The following FOXN3 variants were observed in gnomAD, a reference collection of about 807,000 sequenced individuals.
FOXN3 encodes the protein forkhead box N3.
FOXN3 carries 7 observed loss-of-function variants against 38.4 expected under a neutral mutation model. The ratio of observed to expected loss-of-function variants is 0.18; its 90% CI spans 0.10 to 0.34. The LOEUF (loss-of-function observed/expected upper bound fraction) is 0.34, where lower values mean the gene tolerates loss of function less well. FOXN3 is among the 10% of genes least tolerant of loss of function. The pLI is 1.00. For missense variants in FOXN3, 456 were observed against 613.4 expected (o/e 0.74, Z 2.71); for synonymous variants, 230 against 242.2 (o/e 0.95, Z 0.47).
At chr14:89,331,963 TG>T (rs1555418609) in intron 3 of FOXN3, among the ~76,000 whole-genome samples, 1 of 152,186 alleles carries the variant, frequency 6.6e-6, no homozygotes, top group Non-Finnish European at 1.5e-5. Flanking sequence ...AATGTCTGTT[TG>T]ATAAAATGTA....
intron 4 of FOXN3, among the ~76,000 whole-genome samples, chr14:89,260,321 C>T (rs79764264): frequency 5.8e-4 from 88 of 152,358 alleles, no homozygotes; most frequent in African/African-American, 1.9e-3. Context: ...TCTGCTCTCC[C>T]GGGCACGAAG....
At chr14:89,589,104 C>CA (rs199583482) in intron 1 of FOXN3, among the ~76,000 whole-genome samples, 1 of 150,950 alleles carries the variant, frequency 6.6e-6, no homozygotes, top group East Asian at 1.9e-4. Context: ...AAACATCTAC[C>CA]AAAAAAAAAT....
intron 5 of FOXN3, among the ~76,000 whole-genome samples, chr14:89,165,190 T>A (rs1887208996): frequency 6.6e-6 from 1 of 152,058 alleles, no homozygotes; most frequent in East Asian, 1.9e-4. Flanking sequence ...CTCCCCTAAA[T>A]CCTTACAGAC....
At chr14:89,315,082 C>A (rs1300331513) in intron 3 of FOXN3, among the ~76,000 whole-genome samples, 2 of 151,874 alleles carry the variant, frequency 1.3e-5, no homozygotes, top group African/African-American at 4.8e-5. Context: ...CCAGATCAGC[C>A]CCCTCCATAT....
At chr14:89,232,600 C>T (rs1884849591) in intron 4 of FOXN3, among the ~76,000 whole-genome samples, 1 of 152,190 alleles carries the variant, frequency 6.6e-6, no homozygotes, top group Non-Finnish European at 1.5e-5. Context: ...TTGTGCAAAC[C>T]ATTTTTCAAT....
chr14:89,302,611 A>C (rs1182949818), intron 3 of FOXN3, among the ~76,000 whole-genome samples: 1 of 152,142 alleles, frequency 6.6e-6, no homozygotes, highest in Non-Finnish European at 1.5e-5. Context: ...TCACCTTTGC[A>C]AGTCCCCTGA....
At chr14:89,170,819 C>T (rs1887369973) in intron 5 of FOXN3, among the ~76,000 whole-genome samples, 1 of 152,046 alleles carries the variant, frequency 6.6e-6, no homozygotes, top group African/African-American at 2.4e-5. Flanking sequence ...TTAGAAAATA[C>T]TTATACCTTA....
At chr14:89,322,191 A>G (rs1887916939) in intron 3 of FOXN3, among the ~76,000 whole-genome samples, 1 of 152,188 alleles carries the variant, frequency 6.6e-6, no homozygotes, top group African/African-American at 2.4e-5. Context: ...GCAACTGTTA[A>G]TAATTAGCAG....
chr14:89,230,716 A>T (rs748530481), intron 4 of FOXN3: 5 of 301,312 alleles, frequency 1.7e-5, no homozygotes, highest in Non-Finnish European at 3.5e-5. Flanking sequence ...CAAGAACTGC[A>T]CTACGCACAC....
At chr14:89,444,387 G>C (rs1892452214) in intron 1 of FOXN3, among the ~76,000 whole-genome samples, 1 of 151,094 alleles carries the variant, frequency 6.6e-6, no homozygotes, top group South Asian at 2.1e-4. Flanking sequence ...TGCTAAATAA[G>C]CAAAATGGAG....
intron 2 of FOXN3, among the ~76,000 whole-genome samples, chr14:89,380,319 G>A (rs535303279): frequency 6.6e-5 from 10 of 152,278 alleles, no homozygotes; most frequent in East Asian, 5.8e-4. Context: ...CCCAAGCCAC[G>A]CAGAATTGTG....
At chr14:89,483,883 A>G (rs1247431724) in intron 1 of FOXN3, among the ~76,000 whole-genome samples, 3 of 152,250 alleles carry the variant, frequency 2.0e-5, no homozygotes, top group Admixed American at 6.5e-5. Flanking sequence ...AAGCCTTCAA[A>G]GCTTACTTGA....
chr14:89,433,878 T>C (rs936999244), intron 1 of FOXN3, among the ~76,000 whole-genome samples: 10 of 149,728 alleles, frequency 6.7e-5, no homozygotes, highest in African/African-American at 2.4e-4. Flanking sequence ...AATACTGAAA[T>C]ATCCAGGGCA....
At chr14:89,400,262 T>C (rs1891211282) in intron 2 of FOXN3, 1 of 152,178 alleles carries the variant, frequency 6.6e-6, no homozygotes, top group South Asian at 2.1e-4. Flanking sequence ...CTAATGGAAA[T>C]ACAATTTCCT....
chr14:89,276,314 T>G (rs1436880338), intron 4 of FOXN3, among the ~76,000 whole-genome samples: 1 of 152,112 alleles, frequency 6.6e-6, no homozygotes, highest in Non-Finnish European at 1.5e-5. Flanking sequence ...CCAACAGAAG[T>G]GAATGGAAAT....
chr14:89,302,942 C>T (rs1017842854), intron 3 of FOXN3, among the ~76,000 whole-genome samples: 8 of 152,172 alleles, frequency 5.3e-5, no homozygotes, highest in African/African-American at 1.7e-4. Flanking sequence ...TTTGCCTGCA[C>T]TAAACTGCTA....
chr14:89,554,162 C>T (rs1015117853), intron 1 of FOXN3, among the ~76,000 whole-genome samples: 6 of 152,022 alleles, frequency 3.9e-5, no homozygotes, highest in Admixed American at 2.6e-4. Context: ...CCACCATACC[C>T]GGCTAATTTT....
chr14:89,505,557 G>A (rs1294542381), intron 1 of FOXN3, among the ~76,000 whole-genome samples: 5 of 152,180 alleles, frequency 3.3e-5, no homozygotes, highest in East Asian at 1.9e-4. Flanking sequence ...GATGGCAGAC[G>A]GAGTTGCGTT....
At chr14:89,425,878 A>G (rs1349676504) in intron 1 of FOXN3, among the ~76,000 whole-genome samples, 2 of 152,094 alleles carry the variant, frequency 1.3e-5, no homozygotes, top group African/African-American at 4.8e-5. Context: ...CTGTGTTTCC[A>G]TTTAAGAAGC....
Sources: gnomAD v4.1 joint callset for allele counts (sites outside exome capture counted in the v4.1 genomes callset) on GRCh38, gnomAD v4.1.1 for gene constraint, MANE v1.5 for transcripts, NCBI Gene and HGNC (gene_info 2026-07-23, HGNC 2026-07-21) for gene names.